Variants in PLCXD2 observed in about 807,000 individuals in gnomAD.
PLCXD2 encodes the protein phosphatidylinositol specific phospholipase C X domain containing 2, also known as PI-PLC X domain-containing protein 2.
Under a neutral mutation model 28.6 loss-of-function variants are expected in PLCXD2, and 21 were observed. The ratio of observed to expected loss-of-function variants is 0.73; its 90% CI spans 0.52 to 1.06. PLCXD2 has a LOEUF of 1.06. PLCXD2 is among the 50% of genes least tolerant of loss of function. The pLI is 0.00. For synonymous variants in PLCXD2, 140 were observed against 150.1 expected (o/e 0.93, Z 0.49); for missense variants, 369 against 376.7 (o/e 0.98, Z 0.17).
rs537751397 is a variant in PLCXD2, at chr3:111,695,586, T to C, written c.164-12340T>C. ...GCTTATGTCTCTAAGAACTCATCATTAGTATTTTCAGTTTGTAGAAAACAT... is the reference window on the plus strand; with the variant it reads ...GCTTATGTCTCTAAGAACTCATCATCAGTATTTTCAGTTTGTAGAAAACAT... On this transcript the variant is annotated intron_variant, in intron 1 of 4. Coordinates refer to ENST00000477665, the MANE Select transcript of PLCXD2 (RefSeq NM_001185106.1). Among the ~76,000 whole-genome samples, 4 of 152,370 alleles carry C rather than the reference T, an allele frequency of 2.6e-5. No individual in the cohort carries two copies. The South Asian group carries it at 8.3e-4, about 32-fold the overall frequency.
At chr3:111,714,268 GA>G in intron 3 of PLCXD2, 140 bp downstream of exon 3, 2 of 1,166,496 alleles carry the variant, frequency 1.7e-6, no homozygotes, top group Admixed American at 2.9e-5. Context: ...TTGTATTCGA[GA>G]AAACCATGCA....
At chr3:111,722,521 G>T (rs1411488492) in intron 3 of PLCXD2, 1 of 152,174 alleles carries the variant, frequency 6.6e-6, no homozygotes, top group Admixed American at 6.5e-5. Flanking sequence ...GAAGAGTGTT[G>T]AAAAGAAAGG....
At chr3:111,703,894 A>G (rs1223427100) in intron 1 of PLCXD2, among the ~76,000 whole-genome samples, 1 of 152,198 alleles carries the variant, frequency 6.6e-6, no homozygotes, top group Non-Finnish European at 1.5e-5. Context: ...GCAAAATTCA[A>G]TTTGCCTAAG....
chr3:111,678,550 T>C (rs1044301040), intron 1 of PLCXD2, among the ~76,000 whole-genome samples: 5 of 152,194 alleles, frequency 3.3e-5, no homozygotes, highest in Admixed American at 6.5e-5. Flanking sequence ...AAAAACACTT[T>C]CTTTCTTATT....
rs143208548 is a variant in PLCXD2 at position 111,692,041 on chromosome 3, G to T, written c.164-15885G>T. On this transcript the variant is annotated intron_variant, in intron 1 of 4. Transcript: ENST00000477665. ...GGGGAGATAAACTGAATGTCTTCAG[G>T]TTCCTTTTTTATTTTTTTGAGACGG... is the stretch of plus-strand genomic sequence containing the variant. Among the ~76,000 whole-genome samples, 869 of 152,254 alleles carry T rather than the reference G, an allele frequency of 5.7e-3. 6 individuals are homozygous for T. The highest frequency in any genetic ancestry group is 0.02 in the African/African-American group (813 of 41,546).
intron 1 of PLCXD2, among the ~76,000 whole-genome samples, chr3:111,686,281 A>G (rs1170453922): frequency 6.6e-6 from 1 of 152,236 alleles, no homozygotes; most frequent in African/African-American, 2.4e-5. Context: ...CTCTCCTCAG[A>G]CAGTGAGATG....
At chr3:111,699,715 C>G (rs1941014196) in intron 1 of PLCXD2, among the ~76,000 whole-genome samples, 2 of 152,154 alleles carry the variant, frequency 1.3e-5, no homozygotes, top group African/African-American at 4.8e-5. Flanking sequence ...ATTCTGAGCT[C>G]TGTAACCTAG....
intron 3 of PLCXD2, chr3:111,723,141 T>C (rs1483201260): frequency 6.6e-6 from 1 of 152,220 alleles, no homozygotes; most frequent in Non-Finnish European, 1.5e-5. Flanking sequence ...TTTTGGTCAA[T>C]TGCTAGGGGC....
chr3:111,692,332 C>A (rs1192006173), intron 1 of PLCXD2: 2 of 152,730 alleles, frequency 1.3e-5, no homozygotes, highest in East Asian at 1.9e-4. Context: ...CGTGAGCCAC[C>A]GCCCGGCCAG....
intron 2 of PLCXD2, among the ~76,000 whole-genome samples, chr3:111,713,538 CTTAT>C (rs1156556187): frequency 1.3e-5 from 2 of 152,146 alleles, no homozygotes; most frequent in African/African-American, 4.8e-5. Flanking sequence ...TTATTACAAA[CTTAT>C]TTAATATATT....
At chr3:111,708,518 A>G (rs1941154168) in intron 2 of PLCXD2, 132 bp downstream of exon 2, 2 of 857,222 alleles carry the variant, frequency 2.3e-6, no homozygotes, top group Admixed American at 2.9e-5. Context: ...AATATTAAAC[A>G]TATGCAAACT....
At chr3:111,722,625 T>G (rs1411251862) in intron 3 of PLCXD2, 3 of 152,250 alleles carry the variant, frequency 2.0e-5, no homozygotes, top group Non-Finnish European at 4.4e-5. Context: ...TTCTGGATTC[T>G]TAAGAAGGAA....
chr3:111,705,023 G>A (rs1941097859), intron 1 of PLCXD2, among the ~76,000 whole-genome samples: 1 of 151,834 alleles, frequency 6.6e-6, no homozygotes, highest in Admixed American at 6.6e-5. Context: ...CATCATATTG[G>A]CCAGGCTGGT....
intron 3 of PLCXD2, chr3:111,726,239 C>A (rs1941413551): frequency 5.7e-6 from 1 of 176,084 alleles, no homozygotes; most frequent in African/African-American, 2.3e-5. Context: ...AGTCGTGAAT[C>A]TACAGTCTCA....
At chr3:111,694,029 C>A (rs1324707008) in intron 1 of PLCXD2, among the ~76,000 whole-genome samples, 2 of 152,236 alleles carry the variant, frequency 1.3e-5, no homozygotes, top group East Asian at 1.9e-4. Flanking sequence ...AATATTTACA[C>A]CTCATTTGGT....
At chr3:111,685,865 C>A (rs959806165) in intron 1 of PLCXD2, among the ~76,000 whole-genome samples, 1 of 152,152 alleles carries the variant, frequency 6.6e-6, no homozygotes, top group Non-Finnish European at 1.5e-5. Context: ...AAGAGAAAAT[C>A]TTTCAAAAGA....
intron 1 of PLCXD2, 123 bp downstream of exon 1, chr3:111,675,531 A>T: frequency 8.6e-7 from 1 of 1,156,190 alleles, no homozygotes; most frequent in South Asian, 1.3e-5. Context: ...TTTTATTTCC[A>T]AACCAAAAAC....
intron 1 of PLCXD2, among the ~76,000 whole-genome samples, chr3:111,700,916 G>T (rs900216890): frequency 3.3e-5 from 5 of 152,128 alleles, no homozygotes; most frequent in African/African-American, 1.2e-4. Context: ...TGATCAAAAA[G>T]TCAGAAATTA....
chr3:111,707,067 A>G (rs1941130821), intron 1 of PLCXD2, among the ~76,000 whole-genome samples: 1 of 152,224 alleles, frequency 6.6e-6, no homozygotes. Context: ...TCTGCACTAT[A>G]GACCAAACAG....
Sources: allele counts gnomAD v4.1 joint callset (sites outside exome capture counted in the v4.1 genomes callset), GRCh38; gene constraint gnomAD v4.1.1; transcripts MANE v1.5; gene names NCBI Gene and HGNC (gene_info 2026-07-23, HGNC 2026-07-21).